CTCFL: variants seen among roughly 807,000 people sequenced by gnomAD.
CTCFL encodes the protein transcriptional repressor CTCFL.
A neutral mutation model predicts 67.4 loss-of-function variants in CTCFL; 36 were observed. That is an observed-to-expected ratio of 0.53 (90% CI 0.41 to 0.71). CTCFL has a LOEUF of 0.71. Ranked by LOEUF, CTCFL falls within the 30% of genes least tolerant of loss-of-function variation. CTCFL has a pLI of 0.00. For synonymous variants in CTCFL, 324 were observed against 302.3 expected, an observed-to-expected ratio of 1.07 and a Z score of -0.75; for missense variants, 786 against 835.2, an observed-to-expected ratio of 0.94 and a Z score of 0.73.
At chr20:57,503,823 C>A (rs1341344139) in intron 9 of CTCFL, among the ~76,000 whole-genome samples, 1 of 151,816 alleles carries the variant, frequency 6.6e-6, no homozygotes, top group Non-Finnish European at 1.5e-5. Context: ...AATCCCAGTA[C>A]TTTAGGAGGC....
At position 57,498,531 on chromosome 20, in the gene CTCFL, C is replaced by G. The variant is rs898357712; in HGVS notation, c.*19G>C. ...TGCTTTAGGAATTGGGGGCAGTGAA[C>G]ACGCAACCCGAATCCCTCTCACTTA... On this transcript the variant is annotated 3_prime_UTR_variant, in exon 11 of 11. Coordinates refer to ENST00000243914, the MANE Select transcript of CTCFL (RefSeq NM_001386993.1). 3.1e-6 allele frequency: 5 copies of G among 1,603,084 alleles called. No individual in the cohort carries two copies. Among genetic ancestry groups the G allele is most frequent in the Non-Finnish European group, 4.3e-6 (5 of 1,173,190 alleles).
At chr20:57,508,489 C>G in intron 9 of CTCFL, 117 bp downstream of exon 9, 1 of 927,984 alleles carries the variant, frequency 1.1e-6, no homozygotes, top group Non-Finnish European at 1.6e-6. Context: ...ATGACAGATG[C>G]TCCTGAAGTC....
intron 2 of CTCFL, 144 bp from the exon 3 acceptor site, chr20:57,523,422 G>A: frequency 2.0e-6 from 2 of 982,214 alleles, no homozygotes; most frequent in Non-Finnish European, 2.9e-6. Flanking sequence ...TCAGGGTTGT[G>A]GCAGTGAAAC....
At chr20:57,524,536 T>G in intron 1 of CTCFL, 3 of 1,107,886 alleles carry the variant, frequency 2.7e-6, no homozygotes, top group Non-Finnish European at 2.2e-6. Context: ...CCAGTGCATA[T>G]CCTGGGCCTA....
chr20:57,515,960 T>C, intron 5 of CTCFL, 126 bp from the exon 6 acceptor site: 1 of 1,095,718 alleles, frequency 9.1e-7, no homozygotes, highest in Non-Finnish European at 1.3e-6. Flanking sequence ...AGAGCATATT[T>C]CACTCACTGA....
At chr20:57,508,548 C>T in intron 9 of CTCFL, 58 bp downstream of exon 9, 8 of 1,534,262 alleles carry the variant, frequency 5.2e-6, no homozygotes, top group Non-Finnish European at 7.2e-6. Context: ...GTGACACTGT[C>T]CTCCTGAGAT....
intron 7 of CTCFL, 57 bp from the exon 8 acceptor site, chr20:57,512,809 T>C: frequency 6.5e-7 from 1 of 1,549,594 alleles, no homozygotes. Flanking sequence ...GTTAGCCTGC[T>C]TCCCCTCTCC....
Position 57,503,543 on chromosome 20 carries a change from GA to G in CTCFL, c.1732del (p.Ser578GlnfsTer15). On this transcript the variant is annotated frameshift_variant, in exon 10 of 11. Transcript: ENST00000243914. LOFTEE classifies it high-confidence loss of function. ...CTTTCTTGTTCTTCTTCCCTTTCCT[GA>G]AGCAGCCGACTTTGCTTCCCCTGAT... Reference protein sequence around the residue: ...CGSGEAKSAASGKGRRTRKRK... With the variant: ...CGSGEAKSAAXGKGRRTRKRK... 1 of 1,613,980 alleles carries G rather than the reference GA, an allele frequency of 6.2e-7. No homozygotes were observed. The highest frequency in any genetic ancestry group is 8.5e-7 in the Non-Finnish European group (1 of 1,180,012).
At chr20:57,517,263 G>C (rs540727870) in intron 5 of CTCFL, among the ~76,000 whole-genome samples, 2 of 151,712 alleles carry the variant, frequency 1.3e-5, no homozygotes, top group East Asian at 3.9e-4. Flanking sequence ...TGGGATGGGA[G>C]GACAATGGGA....
chr20:57,524,314 G>C (rs1427191858), intron 1 of CTCFL, 98 bp from the exon 2 acceptor site: 1 of 1,515,090 alleles, frequency 6.6e-7, no homozygotes, highest in Non-Finnish European at 8.7e-7. Flanking sequence ...CTTTGGAGTT[G>C]AAACAAGGTC....
At chr20:57,513,675 A>G in intron 7 of CTCFL, 2 of 1,189,094 alleles carry the variant, frequency 1.7e-6, no homozygotes, top group Non-Finnish European at 2.1e-6. Context: ...AGAATGGTCC[A>G]GATGAAAAAT....
chr20:57,522,381 A>T (rs1382929546), intron 3 of CTCFL, among the ~76,000 whole-genome samples: 5 of 152,212 alleles, frequency 3.3e-5, no homozygotes, highest in South Asian at 2.1e-4. Flanking sequence ...TAATATTTTT[A>T]AAAAATAAGC....
chr20:57,503,194 G>A (rs985448096), intron 10 of CTCFL, among the ~76,000 whole-genome samples: 25 of 152,266 alleles, frequency 1.6e-4, no homozygotes, highest in Admixed American at 8.5e-4. Context: ...AGTCCAATGC[G>A]ATGGAAGAGG....
rs77893684 is a variant in CTCFL at position 57,503,681 on chromosome 20, C to T, written c.1675-80G>A. On this transcript the variant is annotated intron_variant, in intron 9 of 10. Coordinates refer to ENST00000243914, the MANE Select transcript of CTCFL (RefSeq NM_001386993.1). ...CTCTCAGGGGCCTGTGGGGACCCCACGCATGGAAAGAAAGAAAAATCCTGA... is the reference window on the plus strand; with the variant it reads ...CTCTCAGGGGCCTGTGGGGACCCCATGCATGGAAAGAAAGAAAAATCCTGA... The T allele has an allele frequency of 8.8e-4, 1,296 of 1,476,818 alleles. 22 individuals are homozygous for T. In the East Asian group the frequency reaches 0.026, roughly 29 times the overall value. The allele number at this position is 1,476,818 out of a possible 1,614,324, so 91.5% of individuals were successfully genotyped here.
At chr20:57,499,724 T>A (rs569170131) in intron 10 of CTCFL, 1 of 181,162 alleles carries the variant, frequency 5.5e-6, no homozygotes, top group Admixed American at 6.0e-5. Context: ...CGTCGGGCAT[T>A]AGATTCTCGT....
At chr20:57,502,442 C>A (rs2067967416) in intron 10 of CTCFL, among the ~76,000 whole-genome samples, 1 of 152,186 alleles carries the variant, frequency 6.6e-6, no homozygotes, top group Non-Finnish European at 1.5e-5. Flanking sequence ...TTGAGCTGGG[C>A]ATCCTCTATC....
rs1185175210 is a variant in CTCFL, at chr20:57,500,150, G to GA, written c.1841-1450dup. ...AAGACCCAGTTCTTGGATATGAAAA[G>GA]AAACACTGAGATCCACAAAACTGGT... is the stretch of plus-strand genomic sequence containing the variant. On this transcript the variant is annotated intron_variant, in intron 10 of 10. Coordinates refer to ENST00000243914, the MANE Select transcript of CTCFL (RefSeq NM_001386993.1). The GA allele has an allele frequency of 3.1e-6, 3 of 964,304 alleles. No homozygotes were observed. In the African/African-American group the frequency reaches 6.1e-5, roughly 20 times the overall value. The allele number at this position is 964,304 out of a possible 1,614,324, so 59.7% of individuals were successfully genotyped here.
At chr20:57,515,304 C>A in intron 6 of CTCFL, 1 of 192,192 alleles carries the variant, frequency 5.2e-6, no homozygotes, top group Non-Finnish European at 1.1e-5. Context: ...ACCACCAGGC[C>A]CAGCTAATTT....
chr20:57,504,455 A>ATT (rs2068090547), intron 9 of CTCFL, among the ~76,000 whole-genome samples: 1 of 151,278 alleles, frequency 6.6e-6, no homozygotes, highest in African/African-American at 2.4e-5. Context: ...AATTTTTGTT[A>ATT]TTTTTAGTAG....
Sources: gnomAD v4.1 joint callset for allele counts (sites outside exome capture counted in the v4.1 genomes callset) on GRCh38, gnomAD v4.1.1 for gene constraint, MANE v1.5 for transcripts, NCBI Gene and HGNC (gene_info 2026-07-23, HGNC 2026-07-21) for gene names.